Variants in IL1RAPL1 observed in about 807,000 individuals in gnomAD.
IL1RAPL1 encodes interleukin-1 receptor accessory protein-like 1.
In IL1RAPL1, 3 loss-of-function variants were observed where a neutral mutation model predicts 48.4. That is an observed-to-expected ratio of 0.06 (90% CI 0.03 to 0.16). IL1RAPL1 has a LOEUF of 0.16. Among genes scored for constraint, IL1RAPL1 ranks in the 10% least tolerant of loss-of-function variants. IL1RAPL1 has a pLI of 1.00. For synonymous variants in IL1RAPL1, 185 were observed against 187.7 expected (o/e 0.99, Z 0.12); for missense variants, 349 against 530.6 (o/e 0.66, Z 3.36).
At chrX:29,641,402 T>C (rs1207598129) in intron 5 of IL1RAPL1, among the ~76,000 whole-genome samples, 1 of 112,468 alleles carries the variant, frequency 8.9e-6, no homozygotes, top group African/African-American at 3.2e-5. Context: ...CCTTTGAACT[T>C]GATCATCTCT....
intron 5 of IL1RAPL1, among the ~76,000 whole-genome samples, chrX:29,479,168 G>C (rs746531206): frequency 1.1e-4 from 12 of 109,400 alleles, no homozygotes; most frequent in Non-Finnish European, 1.9e-4. Context: ...CCAGCACTTG[G>C]AGAGGCCAAG....
chrX:29,096,873 C>T (rs1436440728), intron 2 of IL1RAPL1, among the ~76,000 whole-genome samples: 2 of 110,139 alleles, frequency 1.8e-5, no homozygotes, highest in Non-Finnish European at 3.8e-5. Flanking sequence ...CATTCAGAGA[C>T]CATGTAGAAA....
chrX:28,765,931 T>C (rs902154737), intron 1 of IL1RAPL1, among the ~76,000 whole-genome samples: 3 of 111,942 alleles, frequency 2.7e-5, no homozygotes, highest in African/African-American at 6.5e-5. Flanking sequence ...AGGTGGCATG[T>C]AGGCAAAACT....
At chrX:29,074,644 TGTTA>T (rs200929196) in intron 2 of IL1RAPL1, among the ~76,000 whole-genome samples, 2,117 of 112,228 alleles carry the variant, frequency 0.019, 29 homozygotes, top group Non-Finnish European at 0.031. Context: ...TTTACATCTG[TGTTA>T]GTTCAACAAT....
chrX:29,189,476 A>G (rs1930312734), intron 2 of IL1RAPL1, among the ~76,000 whole-genome samples: 1 of 111,148 alleles, frequency 9.0e-6, no homozygotes, highest in South Asian at 3.8e-4. Context: ...TATGTTCCCT[A>G]ATTATCTTAA....
At chrX:29,313,290 C>T (rs111442854) in intron 3 of IL1RAPL1, among the ~76,000 whole-genome samples, 5,730 of 61,550 alleles carry the variant, frequency 0.093, 319 homozygotes, top group African/African-American at 0.18. Context: ...TGTGTGTGCG[C>T]GCGCACATGC....
chrX:28,723,866 A>G (rs1935626570), intron 1 of IL1RAPL1, among the ~76,000 whole-genome samples: 1 of 112,082 alleles, frequency 8.9e-6, no homozygotes, highest in Non-Finnish European at 1.9e-5. Flanking sequence ...GTAGTCATTC[A>G]GAAGCAGGTT....
chrX:28,699,485 G>A, intron 1 of IL1RAPL1, among the ~76,000 whole-genome samples: 1 of 112,601 alleles, frequency 8.9e-6, no homozygotes, highest in Non-Finnish European at 1.9e-5. Flanking sequence ...GGATACATAT[G>A]GATATGGGTG....
rs1297300281 is a variant in IL1RAPL1 at position 29,782,921 on chromosome X, T to TTTTTTTC, written c.778+114418_778+114419insTTTTTCT. ...TTTTTTTTTTTTTTTTTTTTTTTTT[T>TTTTTTTC]TGAGACGGAGTCTCACTCTGTCGCC... On this transcript the variant is annotated intron_variant, in intron 6 of 10. Transcript: ENST00000378993. Among the ~76,000 whole-genome samples the TTTTTTTC allele has an allele frequency of 5.7e-4, 46 of 80,808 alleles. 1 individual carries two copies. The highest frequency in any genetic ancestry group is 2.5e-3 in the African/African-American group (42 of 16,708). 70.2% of individuals were successfully genotyped at this position (80,808 alleles called of 115,157 possible).
intron 2 of IL1RAPL1, among the ~76,000 whole-genome samples, chrX:29,249,399 A>G (rs1475824162): frequency 9.0e-6 from 1 of 110,864 alleles, no homozygotes; most frequent in Non-Finnish European, 1.9e-5. Context: ...AGGAGAGAAA[A>G]ATTTTTCACA....
At chrX:29,906,207 C>T (rs1041265768) in intron 6 of IL1RAPL1, among the ~76,000 whole-genome samples, 4 of 105,511 alleles carry the variant, frequency 3.8e-5, no homozygotes, top group African/African-American at 6.9e-5. Context: ...TCGTGGCGGG[C>T]TCCTGTAGTC....
chrX:29,530,652 G>C (rs1457152400), intron 5 of IL1RAPL1, among the ~76,000 whole-genome samples: 1 of 111,836 alleles, frequency 8.9e-6, no homozygotes, highest in Non-Finnish European at 1.9e-5. Context: ...ACATGTGGGA[G>C]ACAGGGCTGG....
chrX:28,899,847 A>G (rs1490682509), intron 2 of IL1RAPL1, among the ~76,000 whole-genome samples: 1 of 111,543 alleles, frequency 9.0e-6, no homozygotes, highest in East Asian at 2.8e-4. Context: ...CAGAAACTGA[A>G]TGCTTTTCTA....
rs1397219241 is a variant in IL1RAPL1, at chrX:29,766,322, C to T, written c.778+97818C>T. ...CAGCCTGGGAGACAGAGTGAGACTC[C>T]GTCTCAAAAAAAAAAAAAAAATATA... On this transcript the variant is annotated intron_variant, in intron 6 of 10. Transcript: ENST00000378993. Among the ~76,000 whole-genome samples the T allele has an allele frequency of 1.4e-4, 8 of 58,494 alleles. No individual in the cohort carries two copies. The South Asian group carries it at 4.9e-3, about 36-fold the overall frequency. 50.8% of individuals were successfully genotyped at this position (58,494 alleles called of 115,157 possible). A position where few individuals can be genotyped will look rare whatever the true frequency, so the allele number is the denominator to read the frequency against.
At chrX:29,390,375 T>C (rs1394913028) in intron 3 of IL1RAPL1, among the ~76,000 whole-genome samples, 1 of 111,859 alleles carries the variant, frequency 8.9e-6, no homozygotes, top group Non-Finnish European at 1.9e-5. Flanking sequence ...AGCTCATGAC[T>C]TGAAAAATGA....
At chrX:29,896,558 C>A (rs761387013) in intron 6 of IL1RAPL1, among the ~76,000 whole-genome samples, 1 of 112,781 alleles carries the variant, frequency 8.9e-6, no homozygotes, top group South Asian at 3.6e-4. Context: ...GCTAAGCAGT[C>A]TCCACAAAGC....
intron 2 of IL1RAPL1, among the ~76,000 whole-genome samples, chrX:29,171,336 C>T (rs752020582): frequency 1.8e-5 from 2 of 111,550 alleles, no homozygotes; most frequent in East Asian, 5.6e-4. Flanking sequence ...GGCACAGACA[C>T]CAGAATTAAA....
chrX:29,539,298 A>T (rs757012843), intron 5 of IL1RAPL1, among the ~76,000 whole-genome samples: 2 of 112,196 alleles, frequency 1.8e-5, no homozygotes, highest in South Asian at 7.4e-4. Context: ...AAACAGAATT[A>T]AAAACAGAAA....
intron 3 of IL1RAPL1, among the ~76,000 whole-genome samples, chrX:29,373,500 C>T (rs892355119): frequency 1.8e-5 from 2 of 111,218 alleles, no homozygotes; most frequent in African/African-American, 6.5e-5. Flanking sequence ...GTTACAGTTT[C>T]GTGGGGGATG....
Sources: allele counts gnomAD v4.1 joint callset (sites outside exome capture counted in the v4.1 genomes callset), GRCh38; gene constraint gnomAD v4.1.1; transcripts MANE v1.5; gene names NCBI Gene and HGNC (gene_info 2026-07-23, HGNC 2026-07-21).